The following DAB1 variants were observed in gnomAD, a reference collection of about 807,000 sequenced individuals.
DAB1 encodes the protein DAB adaptor protein 1, also known as disabled homolog 1.
DAB1 carries 15 observed loss-of-function variants against 64.6 expected under a neutral mutation model. The observed-to-expected ratio is 0.23, with a 90% CI of 0.16 to 0.36. The LOEUF (loss-of-function observed/expected upper bound fraction) is 0.36, where lower values mean the gene tolerates loss of function less well. Ranked by LOEUF, DAB1 falls within the 10% of genes least tolerant of loss-of-function variation. DAB1 has a pLI of 1.00. For synonymous variants in DAB1, 235 were observed against 251.9 expected, an observed-to-expected ratio of 0.93 and a Z score of 0.64; for missense variants, 596 against 706.7, an observed-to-expected ratio of 0.84 and a Z score of 1.78.
At chr1:57,017,846 G>A (rs936819737) in intron 11 of DAB1, among the ~76,000 whole-genome samples, 5 of 152,010 alleles carry the variant, frequency 3.3e-5, no homozygotes, top group Non-Finnish European at 5.9e-5. Flanking sequence ...TGAAGAATCC[G>A]GCAACTCTGT....
intron 2 of DAB1, among the ~76,000 whole-genome samples, chr1:57,203,117 CAG>C (rs1230604550): frequency 6.6e-6 from 1 of 152,124 alleles, no homozygotes; most frequent in Non-Finnish European, 1.5e-5. Context: ...ACAGTGGGAA[CAG>C]AGGAACACAA....
Position 58,391,990 on chromosome 1 carries a change from G to T in DAB1, n.258-48587C>A, listed in dbSNP as rs12016633. Among the ~76,000 whole-genome samples the T allele has an allele frequency of 6.1e-3, 936 of 152,330 alleles. 8 individuals carry two copies. The highest frequency in any genetic ancestry group is 0.022 in the African/African-American group (912 of 41,578). On this transcript the variant is annotated intron_variant and non_coding_transcript_variant, in intron 3 of 20. Coordinates refer to the DAB1 transcript ENST00000485760. ...CATCTTGAAATACCAGAATGAGTGG[G>T]CACATAGGCATTCATGAAGGAATAT...
chr1:58,461,371 T>A (rs642657), intron 3 of DAB1, among the ~76,000 whole-genome samples: 5,500 of 152,246 alleles, frequency 0.036, 375 homozygotes, highest in African/African-American at 0.13. Context: ...GTTCTTTCTT[T>A]TAATGTGATT....
At position 57,714,214 on chromosome 1, in the gene DAB1, G is replaced by A. The variant is rs558160471; in HGVS notation, n.552-64549C>T. Reference sequence around the variant, plus strand: ...TTTAATTCTCATAAACAGCCTATCAGGTAAGTATAATTATTTTTACCCATT... The same window carrying A: ...TTTAATTCTCATAAACAGCCTATCAAGTAAGTATAATTATTTTTACCCATT... On this transcript the variant is annotated intron_variant and non_coding_transcript_variant, in intron 6 of 20. Transcript: ENST00000485760. Among the ~76,000 whole-genome samples, 396 of 152,208 alleles carry A rather than the reference G, an allele frequency of 2.6e-3. 2 individuals carry two copies. Among genetic ancestry groups the A allele is most frequent in the Non-Finnish European group, 4.6e-3 (315 of 68,018 alleles).
At chr1:57,180,156 G>A (rs12067040) in intron 2 of DAB1, among the ~76,000 whole-genome samples, 150 of 152,260 alleles carry the variant, frequency 9.9e-4, no homozygotes, top group African/African-American at 3.3e-3. Flanking sequence ...AAATGGTAAG[G>A]CCAGCCTTAG....
At chr1:57,896,409 GA>G (rs917502048) in intron 5 of DAB1, among the ~76,000 whole-genome samples, 108 of 141,896 alleles carry the variant, frequency 7.6e-4, no homozygotes, top group East Asian at 2.0e-3. Flanking sequence ...CAAACAATTA[GA>G]AAAAAAAAAA....
chr1:57,221,481 C>T (rs1055732961), intron 2 of DAB1, among the ~76,000 whole-genome samples: 9 of 151,502 alleles, frequency 5.9e-5, no homozygotes, highest in Non-Finnish European at 1.0e-4. Context: ...CACCTGATAG[C>T]GACATTTCTT....
chr1:57,428,117 G>A (rs1045245175), upstream of DAB1, among the ~76,000 whole-genome samples: 1 of 151,902 alleles, frequency 6.6e-6, no homozygotes, highest in East Asian at 1.9e-4. Context: ...GCAGTGAGCT[G>A]AGATCGCACC....
intron 2 of DAB1, among the ~76,000 whole-genome samples, chr1:57,233,628 G>A (rs1181998159): frequency 2.6e-5 from 4 of 151,210 alleles, no homozygotes; most frequent in Non-Finnish European, 4.4e-5. Context: ...GCGTGGTGGC[G>A]GGCACCTGTA....
At chr1:58,499,509 A>AATAG (rs1553122699) in intron 3 of DAB1, among the ~76,000 whole-genome samples, 2 of 42,856 alleles carry the variant, frequency 4.7e-5, no homozygotes, top group South Asian at 7.0e-4. Context: ...TAGATAGATA[A>AATAG]ATAGATAGAT....
At chr1:57,170,388 C>T (rs1254743425) in intron 2 of DAB1, among the ~76,000 whole-genome samples, 3 of 152,062 alleles carry the variant, frequency 2.0e-5, no homozygotes. Context: ...ACATACTTTG[C>T]AAAGTGTTTG....
At chr1:58,162,365 TTC>T (rs1434224983) in intron 4 of DAB1, among the ~76,000 whole-genome samples, 1 of 152,174 alleles carries the variant, frequency 6.6e-6, no homozygotes, top group African/African-American at 2.4e-5. Context: ...CTTTTTTTCC[TTC>T]TGTTACTCAT....
chr1:57,006,384 T>G (rs537381010), intron 14 of DAB1, among the ~76,000 whole-genome samples: 28 of 152,230 alleles, frequency 1.8e-4, no homozygotes, highest in Non-Finnish European at 2.9e-5. Flanking sequence ...CTTAGCACAG[T>G]GACTGGCACC....
At chr1:57,314,592 C>T (rs529771546) in intron 1 of DAB1, among the ~76,000 whole-genome samples, 100 of 152,228 alleles carry the variant, frequency 6.6e-4, no homozygotes, top group African/African-American at 2.2e-3. Context: ...TCCCACAGAA[C>T]GCTCTATCTC....
intron 7 of DAB1, among the ~76,000 whole-genome samples, chr1:57,626,594 A>T (rs1470148110): frequency 6.6e-6 from 1 of 152,160 alleles, no homozygotes; most frequent in Non-Finnish European, 1.5e-5. Flanking sequence ...CTGCTTTAAC[A>T]AGACACCATA....
intron 7 of DAB1, among the ~76,000 whole-genome samples, chr1:57,641,366 C>CTTTT (rs1327939060): frequency 8.7e-6 from 1 of 115,414 alleles, no homozygotes; most frequent in African/African-American, 3.3e-5. Flanking sequence ...CCAGTTCCCT[C>CTTTT]TTTTTTTTGT....
At chr1:57,607,641 G>A (rs569803888) in intron 7 of DAB1, among the ~76,000 whole-genome samples, 1 of 152,122 alleles carries the variant, frequency 6.6e-6, no homozygotes, top group East Asian at 1.9e-4. Context: ...ACACCGCCCA[G>A]TTCAAATTTT....
intron 4 of DAB1, among the ~76,000 whole-genome samples, chr1:57,111,585 GT>G (rs1458204741): frequency 1.1e-4 from 17 of 152,098 alleles, no homozygotes; most frequent in African/African-American, 4.1e-4. Flanking sequence ...CAGCTTAAGT[GT>G]CCCCTTATCA....
chr1:58,395,864 C>G (rs338927), intron 3 of DAB1, among the ~76,000 whole-genome samples: 14,767 of 152,134 alleles, frequency 0.097, 809 homozygotes, highest in South Asian at 0.13. Flanking sequence ...GGGTCTAAGT[C>G]GGGGAGGTGC....
Sources: gnomAD v4.1 joint callset for allele counts (sites outside exome capture counted in the v4.1 genomes callset) on GRCh38, gnomAD v4.1.1 for gene constraint, MANE v1.5 for transcripts, NCBI Gene and HGNC (gene_info 2026-07-23, HGNC 2026-07-21) for gene names.